The following PGM5 variants were observed in gnomAD, a reference collection of about 807,000 sequenced individuals.
PGM5 encodes phosphoglucomutase-like protein 5.
Under a neutral mutation model 59.2 loss-of-function variants are expected in PGM5, and 23 were observed. The observed-to-expected ratio is 0.39, with a 90% CI of 0.28 to 0.55. The LOEUF (loss-of-function observed/expected upper bound fraction) is 0.55. PGM5 is among the 20% of genes least tolerant of loss of function. PGM5 has a pLI of 0.66. For synonymous variants in PGM5, 214 were observed against 286.0 expected (o/e 0.75, Z 2.54); for missense variants, 574 against 748.3 (o/e 0.77, Z 2.72).
At chr9:68,417,377 T>A (rs1422539781) in intron 6 of PGM5, among the ~76,000 whole-genome samples, 4 of 152,138 alleles carry the variant, frequency 2.6e-5, no homozygotes, top group African/African-American at 9.6e-5. Context: ...GCCCCCTAGA[T>A]CCCTGTCAAA....
At chr9:68,408,326 G>A (rs1448089517) in intron 6 of PGM5, among the ~76,000 whole-genome samples, 1 of 152,226 alleles carries the variant, frequency 6.6e-6, no homozygotes, top group Non-Finnish European at 1.5e-5. Context: ...GGGCTGACTC[G>A]AGGAAGAGCT....
chr9:68,375,243 T>C (rs186980702), intron 1 of PGM5, among the ~76,000 whole-genome samples: 1 of 152,172 alleles, frequency 6.6e-6, no homozygotes, highest in African/African-American at 2.4e-5. Flanking sequence ...CAATATATAC[T>C]GATTACCCAG....
intron 9 of PGM5, among the ~76,000 whole-genome samples, chr9:68,485,255 A>G (rs890526380): frequency 2.6e-5 from 4 of 151,728 alleles, no homozygotes; most frequent in Admixed American, 1.3e-4. Flanking sequence ...TATTTATTTC[A>G]TTTCCCCTCC....
intron 8 of PGM5, among the ~76,000 whole-genome samples, chr9:68,482,130 G>C (rs1554687167): frequency 6.6e-6 from 1 of 152,156 alleles, no homozygotes; most frequent in African/African-American, 2.4e-5. Context: ...GCTAGATCCT[G>C]CTTGTATATG....
rs1340874056 is a variant in PGM5 at position 68,522,251 on chromosome 9, AAAG to A, written c.1615-7312_1615-7310del. On this transcript the variant is annotated intron_variant, in intron 10 of 10. Transcript: ENST00000396396. ...GCTCACATGAACAAGTCTCTTGTAAAAAGAAGCTCTCTCTGATGAAACTGAGAA... is the reference window on the plus strand; with the variant it reads ...GCTCACATGAACAAGTCTCTTGTAAAAAGCTCTCTCTGATGAAACTGAGAA... 4.6e-5 allele frequency among the ~76,000 whole-genome samples: 7 copies of A among 152,180 alleles called. No homozygotes were observed. The East Asian group carries it at 1.3e-3, about 29-fold the overall frequency.
chr9:68,503,390 T>C (rs1824608346), intron 10 of PGM5, among the ~76,000 whole-genome samples: 2 of 152,202 alleles, frequency 1.3e-5, no homozygotes, highest in South Asian at 2.1e-4. Context: ...TAATAAAGTG[T>C]TGAATATCTC....
chr9:68,436,575 C>A (rs146913787), intron 6 of PGM5, among the ~76,000 whole-genome samples: 278 of 152,244 alleles, frequency 1.8e-3, no homozygotes, highest in African/African-American at 5.5e-3. Context: ...CTTTCTGAGA[C>A]CTGGTTGTTT....
At chr9:68,392,684 A>C (rs1278889583) in intron 6 of PGM5, among the ~76,000 whole-genome samples, 2 of 152,082 alleles carry the variant, frequency 1.3e-5, no homozygotes, top group Non-Finnish European at 2.9e-5. Flanking sequence ...GGGAATTTAG[A>C]CTTATTTAGT....
rs1823995774 is a variant in PGM5 at position 68,469,997 on chromosome 9, A to G, written c.1159+4789A>G. Among the ~76,000 whole-genome samples, 2 of 152,218 alleles carry G rather than the reference A, an allele frequency of 1.3e-5. 1 individual carries two copies. The highest frequency in any genetic ancestry group is 4.1e-4 in the South Asian group (2 of 4,830). On this transcript the variant is annotated intron_variant, in intron 7 of 10. Transcript: ENST00000396396. ...ATCACACAAATACAGACCATTTGGA[A>G]AGGGATGGGGAGAGATGTTATGAAT...
intron 9 of PGM5, among the ~76,000 whole-genome samples, chr9:68,494,013 A>C (rs1226099002): frequency 3.9e-5 from 6 of 152,198 alleles, no homozygotes; most frequent in African/African-American, 1.2e-4. Flanking sequence ...GGAAAACACT[A>C]AGCTGGAACT....
rs1445019340 is a variant in PGM5 at position 68,529,781 on chromosome 9, G to T, written c.*125G>T. 3.5e-6 allele frequency: 2 copies of T among 573,560 alleles called. No homozygotes were observed. Among genetic ancestry groups the T allele is most frequent in the African/African-American group, 3.9e-5 (2 of 51,030 alleles). 35.5% of individuals were successfully genotyped at this position (573,560 alleles called of 1,614,324 possible). ...AAAAACAAAAGATATTTTGCTTTTGGGGGATAGAGGGTGGGTGGGAAAAGA... is the reference window on the plus strand; with the variant it reads ...AAAAACAAAAGATATTTTGCTTTTGTGGGATAGAGGGTGGGTGGGAAAAGA... On this transcript the variant is annotated 3_prime_UTR_variant, in exon 11 of 11. Transcript: ENST00000396396.
intron 6 of PGM5, chr9:68,406,250 A>G (rs1184766260): frequency 6.6e-6 from 1 of 151,920 alleles, no homozygotes. Context: ...GGTTTCTTAT[A>G]ACAGAATACC....
At position 68,443,872 on chromosome 9, in the gene PGM5, C is replaced by T. The variant is rs1478172104; in HGVS notation, c.1044-21221C>T. ...CCCTGCTCCTATTATGTGGAAATTG[C>T]ATGCAGATGTAGTGTACATCAGGGA... On this transcript the variant is annotated intron_variant, in intron 6 of 10. Coordinates refer to ENST00000396396, the MANE Select transcript of PGM5 (RefSeq NM_021965.4). Among the ~76,000 whole-genome samples the T allele has an allele frequency of 2.6e-5, 4 of 152,286 alleles. No individual in the cohort carries two copies. The East Asian group carries it at 7.7e-4, about 29-fold the overall frequency.
chr9:68,438,438 C>T (rs782304821), intron 6 of PGM5, among the ~76,000 whole-genome samples: 5 of 152,076 alleles, frequency 3.3e-5, no homozygotes, highest in African/African-American at 4.8e-5. Context: ...TTTTATCTCC[C>T]ACTTCCCAGC....
At chr9:68,440,347 T>C (rs1466990153) in intron 6 of PGM5, among the ~76,000 whole-genome samples, 1 of 152,056 alleles carries the variant, frequency 6.6e-6, no homozygotes, top group African/African-American at 2.4e-5. Context: ...ACAAACAAAC[T>C]AACTAAATGT....
chr9:68,422,048 T>G (rs1195638483), intron 6 of PGM5, among the ~76,000 whole-genome samples: 2 of 152,010 alleles, frequency 1.3e-5, no homozygotes, highest in Non-Finnish European at 2.9e-5. Context: ...TAAATATTTA[T>G]GTATTGAATG....
intron 6 of PGM5, among the ~76,000 whole-genome samples, chr9:68,422,648 G>A (rs1554682430): frequency 6.6e-6 from 1 of 151,636 alleles, no homozygotes; most frequent in African/African-American, 2.4e-5. Context: ...TGTTGATGAG[G>A]TAATTAAAAT....
intron 6 of PGM5, among the ~76,000 whole-genome samples, chr9:68,461,090 C>T (rs540420868): frequency 6.6e-6 from 1 of 152,206 alleles, no homozygotes; most frequent in Admixed American, 6.5e-5. Context: ...AAGGTGTTTT[C>T]AATCCCCTAA....
At chr9:68,509,658 G>A (rs868995923) in intron 10 of PGM5, among the ~76,000 whole-genome samples, 17 of 151,798 alleles carry the variant, frequency 1.1e-4, no homozygotes, top group Admixed American at 2.6e-4. Context: ...AAGGGAAAAT[G>A]TGGGTGAAGC....
Sources: gnomAD v4.1 joint callset for allele counts (sites outside exome capture counted in the v4.1 genomes callset) on GRCh38, gnomAD v4.1.1 for gene constraint, MANE v1.5 for transcripts, NCBI Gene and HGNC (gene_info 2026-07-23, HGNC 2026-07-21) for gene names.